The following COL22A1 variants were observed in gnomAD, a reference collection of about 807,000 sequenced individuals.
COL22A1 encodes collagen type XXII alpha 1 chain.
A neutral mutation model predicts 248.9 loss-of-function variants in COL22A1; 221 were observed. The ratio of observed to expected loss-of-function variants is 0.89; its 90% CI spans 0.80 to 0.99. COL22A1 has a LOEUF of 0.99. COL22A1 is among the 50% of genes least tolerant of loss of function. COL22A1 has a pLI of 0.00. For missense variants in COL22A1, 2,240 were observed against 2,179.0 expected (o/e 1.03, Z -0.56); for synonymous variants, 891 against 793.4 (o/e 1.12, Z -2.07).
intron 45 of COL22A1, among the ~76,000 whole-genome samples, chr8:138,655,167 T>C (rs1245025789): frequency 2.6e-5 from 4 of 152,100 alleles, no homozygotes; most frequent in Admixed American, 2.6e-4. Context: ...ACACAACAAA[T>C]AGTATTGATC....
At chr8:138,879,860 A>AACAAG (rs746826161) in intron 2 of COL22A1, among the ~76,000 whole-genome samples, 3 of 150,304 alleles carry the variant, frequency 2.0e-5, no homozygotes, top group Non-Finnish European at 4.4e-5. Flanking sequence ...AACAAAACAA[A>AACAAG]AAAACACTTT....
At chr8:138,904,625 C>G (rs1018526750) in intron 1 of COL22A1, among the ~76,000 whole-genome samples, 1 of 152,048 alleles carries the variant, frequency 6.6e-6, no homozygotes, top group Non-Finnish European at 1.5e-5. Flanking sequence ...TCTCTCCCCC[C>G]ACCAGTCCCC....
At chr8:138,878,776 G>A (rs1392005152) in intron 2 of COL22A1, among the ~76,000 whole-genome samples, 2 of 152,182 alleles carry the variant, frequency 1.3e-5, no homozygotes. Context: ...GGGAGGCCAA[G>A]GCGGGTGGAT....
At chr8:138,663,998 A>G (rs1016131487) in intron 41 of COL22A1, among the ~76,000 whole-genome samples, 12 of 151,596 alleles carry the variant, frequency 7.9e-5, no homozygotes, top group African/African-American at 2.9e-4. Context: ...GGCTCCTGAC[A>G]CCTGGGCCCA....
rs1816780298 is a variant in COL22A1 at position 138,588,424 on chromosome 8, T to C, written c.*829A>G. On this transcript the variant is annotated 3_prime_UTR_variant, in exon 65 of 65. Transcript: ENST00000303045. ...CAAGTGGATGGTCACCACATCCACT[T>C]GTTTTATAATTAATATAATTGAAAC... The C allele has an allele frequency of 6.6e-6, 1 of 152,194 alleles. No individual in the cohort carries two copies. The highest frequency in any genetic ancestry group is 2.4e-5 in the African/African-American group (1 of 41,458). The allele number at this position is 152,194 out of a possible 1,614,324, so 9.4% of individuals were successfully genotyped here. A position where few individuals can be genotyped will look rare whatever the true frequency, so the allele number is the denominator to read the frequency against.
At chr8:138,606,344 C>G in intron 58 of COL22A1, 37 bp downstream of exon 58, 1 of 1,582,066 alleles carries the variant, frequency 6.3e-7, no homozygotes, top group Non-Finnish European at 8.6e-7. Context: ...CTACCTGGAG[C>G]CAGGTATCTT....
rs1226142690 is a variant in COL22A1, at chr8:138,724,662, G to A, written c.2200C>T (p.Pro734Ser). The A allele has an allele frequency of 1.9e-6, 3 of 1,614,146 alleles. No homozygotes were observed. Among genetic ancestry groups the A allele is most frequent in the Non-Finnish European group, 2.5e-6 (3 of 1,179,980 alleles). Residue 734 changes from proline to serine, a missense_variant, in exon 25 of 65, where the codon CCT becomes TCT. Pro to Ser is a moderately conservative substitution (Grantham distance 74). Transcript: ENST00000303045. ...TTTCCCGGGAAGCCGATCTCTCCAG[G>A]CAAACCCTGAAAGGGGACCACATGG... The part of the protein sequence containing the change: ...PPGPGGSPGL[P>S]GEIGFPGKPG...
intron 5 of COL22A1, among the ~76,000 whole-genome samples, chr8:138,831,604 G>A (rs184835774): frequency 1.5e-3 from 222 of 152,210 alleles, no homozygotes; most frequent in African/African-American, 5.3e-3. Flanking sequence ...CGTGTCCCAG[G>A]TAGAGGAAGA....
intron 47 of COL22A1, among the ~76,000 whole-genome samples, chr8:138,643,647 T>TAGATAGATAGAC (rs568597361): frequency 6.0e-3 from 159 of 26,616 alleles, no homozygotes; most frequent in African/African-American, 8.2e-3. Flanking sequence ...GATAGATAGA[T>TAGATAGATAGAC]AGACAGATAG....
intron 3 of COL22A1, among the ~76,000 whole-genome samples, chr8:138,858,155 G>A (rs552148589): frequency 1.3e-4 from 20 of 152,188 alleles, no homozygotes; most frequent in Non-Finnish European, 2.1e-4. Flanking sequence ...TGTGCTTTAC[G>A]TGTGTGGCAC....
intron 6 of COL22A1, 88 bp downstream of exon 6, chr8:138,826,570 T>C: frequency 7.0e-7 from 1 of 1,421,334 alleles, no homozygotes; most frequent in Non-Finnish European, 9.9e-7. Context: ...ATAAGAGCCC[T>C]GGAGAAAACA....
intron 12 of COL22A1, among the ~76,000 whole-genome samples, chr8:138,789,136 G>A (rs1258803375): frequency 1.3e-5 from 2 of 152,226 alleles, no homozygotes; most frequent in African/African-American, 4.8e-5. Flanking sequence ...GTCAGACGGA[G>A]CTAGAGGAGA....
intron 16 of COL22A1, among the ~76,000 whole-genome samples, chr8:138,772,073 T>C (rs1036923103): frequency 6.6e-6 from 1 of 150,478 alleles, no homozygotes; most frequent in African/African-American, 2.5e-5. Context: ...CAGGGTTTCG[T>C]CTAACCCTGA....
chr8:138,706,042 G>A (rs372027067), intron 30 of COL22A1, among the ~76,000 whole-genome samples: 6 of 152,208 alleles, frequency 3.9e-5, no homozygotes, highest in Non-Finnish European at 4.4e-5. Context: ...GACAAAGAAG[G>A]CCATTACATA....
At chr8:138,603,231 C>A (rs73718052) in intron 59 of COL22A1, among the ~76,000 whole-genome samples, 1,858 of 152,288 alleles carry the variant, frequency 0.012, 33 homozygotes, top group African/African-American at 0.041. Flanking sequence ...AGTTCACAAC[C>A]TGTCCATGAG....
chr8:138,802,007 G>A (rs1375831376), intron 11 of COL22A1, among the ~76,000 whole-genome samples: 1 of 152,190 alleles, frequency 6.6e-6, no homozygotes, highest in East Asian at 1.9e-4. Flanking sequence ...TTCTATGCAG[G>A]AGGGCAGAGG....
In COL22A1 at chr8:138,835,441, C is replaced by A. The variant is rs375066958; in HGVS notation, c.734-2291G>T. ...TGGTTTGTGGGAGGGAACAGGCACCCACAGTCCCACAACTGAGGTCCCCTG... is the reference window on the plus strand; with the variant it reads ...TGGTTTGTGGGAGGGAACAGGCACCAACAGTCCCACAACTGAGGTCCCCTG... On this transcript the variant is annotated intron_variant, in intron 4 of 64. Coordinates refer to ENST00000303045, the MANE Select transcript of COL22A1 (RefSeq NM_152888.3). Among the ~76,000 whole-genome samples the A allele has an allele frequency of 3.0e-4, 45 of 152,330 alleles. No homozygotes were observed. The East Asian group carries it at 7.1e-3, about 24-fold the overall frequency.
At chr8:138,602,481 G>A (rs1235486516) in intron 59 of COL22A1, among the ~76,000 whole-genome samples, 1 of 152,120 alleles carries the variant, frequency 6.6e-6, no homozygotes, top group African/African-American at 2.4e-5. Flanking sequence ...ACGAATTGTT[G>A]TCTTCAACAG....
chr8:138,627,523 A>C (rs1158102424), intron 50 of COL22A1, among the ~76,000 whole-genome samples: 2 of 152,236 alleles, frequency 1.3e-5, no homozygotes, highest in African/African-American at 2.4e-5. Context: ...CAGATCCAGG[A>C]AAGAACTCCA....
Sources: allele counts gnomAD v4.1 joint callset (sites outside exome capture counted in the v4.1 genomes callset), GRCh38; gene constraint gnomAD v4.1.1; transcripts MANE v1.5; gene names NCBI Gene and HGNC (gene_info 2026-07-23, HGNC 2026-07-21).